Variants in ASPRV1 observed in about 807,000 individuals in gnomAD.
ASPRV1 encodes the protein retroviral-like aspartic protease 1.
ASPRV1 carries 7 observed loss-of-function variants against 11.0 expected under a neutral mutation model. That is an observed-to-expected ratio of 0.64 (90% CI 0.36 to 1.20). The LOEUF is 1.20. ASPRV1 is among the 50% of genes most tolerant of loss of function. ASPRV1 has a pLI of 0.02. For synonymous variants in ASPRV1, 136 were observed against 138.4 expected, an observed-to-expected ratio of 0.98 and a Z score of 0.12; for missense variants, 299 against 320.0, an observed-to-expected ratio of 0.93 and a Z score of 0.50.
At chr2:69,937,145 G>A in the ASPRV1 span, 74 of 1,522,168 alleles carry the variant, frequency 4.9e-5, no homozygotes, top group African/African-American at 3.0e-4. Context: ...GAAGTGTGGC[G>A]CATTCCACTG....
At chr2:69,941,510 GTGTTGA>G in the ASPRV1 span, 1 of 152,220 alleles carries the variant, frequency 6.6e-6, no homozygotes, top group East Asian at 1.9e-4. Context: ...AATAATTTCA[GTGTTGA>G]TTCAGAACTG....
the ASPRV1 span, among the ~76,000 whole-genome samples, chr2:69,934,410 G>T: frequency 6.6e-6 from 1 of 152,124 alleles, no homozygotes; most frequent in Non-Finnish European, 1.5e-5. Flanking sequence ...AGCAACTCTC[G>T]TGCTCTCTCT....
the ASPRV1 span, among the ~76,000 whole-genome samples, chr2:70,044,321 A>G: frequency 1.3e-5 from 2 of 152,216 alleles, no homozygotes; most frequent in Non-Finnish European, 2.9e-5. Context: ...ACCACTTGAC[A>G]GACCAGCTCT....
the ASPRV1 span, among the ~76,000 whole-genome samples, chr2:70,001,977 G>A: frequency 6.6e-6 from 1 of 152,186 alleles, no homozygotes; most frequent in Non-Finnish European, 1.5e-5. Context: ...TAGAACAGAC[G>A]TACAGTATGA....
At chr2:69,982,036 T>TATCTATCCATCC in the ASPRV1 span, among the ~76,000 whole-genome samples, 1 of 149,024 alleles carries the variant, frequency 6.7e-6, no homozygotes, top group Non-Finnish European at 1.5e-5. Flanking sequence ...CCCTCTCATC[T>TATCTATCCATCC]ATCCATCCAT....
chr2:70,067,064 A>T, the ASPRV1 span, among the ~76,000 whole-genome samples: 3 of 152,230 alleles, frequency 2.0e-5, no homozygotes, highest in Admixed American at 6.6e-5. Context: ...TATTATTCTA[A>T]GCATCTTATA....
the ASPRV1 span, among the ~76,000 whole-genome samples, chr2:70,080,307 ACCTCCGCCT>A: frequency 2.0e-5 from 3 of 151,772 alleles, no homozygotes; most frequent in Non-Finnish European, 4.4e-5. Context: ...GGTCACTGCA[ACCTCCGCCT>A]CCCAGGTTCA....
chr2:69,954,415 C>T, the ASPRV1 span, among the ~76,000 whole-genome samples: 1 of 152,190 alleles, frequency 6.6e-6, no homozygotes, highest in Non-Finnish European at 1.5e-5. Context: ...CCAGATATAC[C>T]ATTGGCAGAT....
the ASPRV1 span, among the ~76,000 whole-genome samples, chr2:70,024,648 T>C: frequency 2.0e-5 from 3 of 152,282 alleles, no homozygotes; most frequent in South Asian, 6.2e-4. Flanking sequence ...TCTTTCTCAA[T>C]CCTCTTTCCT....
chr2:69,939,125 C>T, the ASPRV1 span: 2 of 152,098 alleles, frequency 1.3e-5, no homozygotes, highest in East Asian at 1.9e-4. Context: ...TCCCACTTAA[C>T]ACAGTGATTA....
At chr2:69,953,565 C>T in the ASPRV1 span, among the ~76,000 whole-genome samples, 3 of 151,838 alleles carry the variant, frequency 2.0e-5, no homozygotes, top group South Asian at 6.2e-4. Context: ...CCTCTTTCTC[C>T]AATGCTTCAC....
the ASPRV1 span, among the ~76,000 whole-genome samples, chr2:69,983,147 G>A: frequency 2.6e-5 from 4 of 152,126 alleles, no homozygotes; most frequent in Admixed American, 2.0e-4. Context: ...TTGAACTTCC[G>A]AGCTCAGGCA....
At chr2:70,054,848 CAA>C in the ASPRV1 span, among the ~76,000 whole-genome samples, 1 of 151,904 alleles carries the variant, frequency 6.6e-6, no homozygotes, top group African/African-American at 2.4e-5. Context: ...GGATCATTCA[CAA>C]GACAAAAAAG....
chr2:70,034,147 C>T, the ASPRV1 span, among the ~76,000 whole-genome samples: 1 of 113,450 alleles, frequency 8.8e-6, no homozygotes, highest in African/African-American at 3.8e-5. Context: ...AGCGAGACTC[C>T]ATCTCATAAA....
At chr2:70,055,392 T>C in the ASPRV1 span, among the ~76,000 whole-genome samples, 1 of 152,164 alleles carries the variant, frequency 6.6e-6, no homozygotes, top group South Asian at 2.1e-4. Flanking sequence ...CAAATGCCCA[T>C]TAATGATAGA....
At chr2:69,951,471 GTGTGTGTGTGTGTA>G in the ASPRV1 span, among the ~76,000 whole-genome samples, 1,627 of 128,766 alleles carry the variant, frequency 0.013, 46 homozygotes, top group Admixed American at 0.063. Flanking sequence ...GTGTGTGTGT[GTGTGTGTGTGTGTA>G]TATCTATATG....
the ASPRV1 span, chr2:70,030,382 CTT>C: frequency 2.0e-5 from 3 of 152,256 alleles, no homozygotes; most frequent in African/African-American, 4.8e-5. Flanking sequence ...CCTTTTACTG[CTT>C]TTGTTTCTTG....
At chr2:69,952,867 C>T in the ASPRV1 span, among the ~76,000 whole-genome samples, 1 of 152,140 alleles carries the variant, frequency 6.6e-6, no homozygotes, top group Non-Finnish European at 1.5e-5. Context: ...ATAACAAATG[C>T]CCCTAAGTCC....
At chr2:70,031,010 T>G in the ASPRV1 span, 3 of 152,174 alleles carry the variant, frequency 2.0e-5, no homozygotes, top group Non-Finnish European at 4.4e-5. Flanking sequence ...TGAAGGCTTA[T>G]GAGGGGAAGG....
Sources: allele counts gnomAD v4.1 joint callset (sites outside exome capture counted in the v4.1 genomes callset), GRCh38; gene constraint gnomAD v4.1.1; transcripts MANE v1.5; gene names NCBI Gene and HGNC (gene_info 2026-07-23, HGNC 2026-07-21).